Variants in DNAH10 observed in about 807,000 individuals in gnomAD.
DNAH10 encodes axonemal beta dynein heavy chain 10.
DNAH10 carries 348 observed loss-of-function variants against 506.6 expected under a neutral mutation model. The ratio of observed to expected loss-of-function variants is 0.69; its 90% CI spans 0.63 to 0.75. The LOEUF (loss-of-function observed/expected upper bound fraction) is 0.75. Among genes scored for constraint, DNAH10 ranks in the 30% least tolerant of loss-of-function variants. DNAH10 has a pLI of 0.00. For synonymous variants in DNAH10, 2,059 were observed against 2,198.6 expected (o/e 0.94, Z 1.78); for missense variants, 5,179 against 5,787.1 (o/e 0.89, Z 3.41).
In DNAH10 at chr12:123,801,336, T is replaced by G. The variant is rs1408825749; in HGVS notation, c.2518T>G (p.Leu840Val). 1 of 1,614,212 alleles carries G rather than the reference T, an allele frequency of 6.2e-7. No homozygotes were observed. The highest frequency in any genetic ancestry group is 2.2e-5 in the East Asian group (1 of 44,878). Residue 840 changes from leucine to valine, a missense_variant, in exon 16 of 79, where the codon TTA becomes GTA. Physicochemically the swap from Leu to Val is conservative, Grantham distance 32. This residue lies in a region of DNAH10 where 4,844 missense variants were observed against 5,430.5 expected (regional missense o/e 0.89). Transcript: ENST00000673944. ...LDHYHMLIGT[L>V]NDAESVLLKD... Reference sequence around the variant, plus strand: ...TCATTATCACATGCTCATAGGAACGTTAAACGATGCGGAGTCTGTGCTTCT... The same window carrying G: ...TCATTATCACATGCTCATAGGAACGGTAAACGATGCGGAGTCTGTGCTTCT...
At chr12:123,872,688 G>T (rs1952083958) in intron 45 of DNAH10, among the ~76,000 whole-genome samples, 1 of 147,634 alleles carries the variant, frequency 6.8e-6, no homozygotes. Flanking sequence ...TTTGTGCCTG[G>T]TAGTCCCAGC....
intron 65 of DNAH10, among the ~76,000 whole-genome samples, chr12:123,920,970 G>T (rs950008873): frequency 1.3e-5 from 2 of 152,014 alleles, no homozygotes; most frequent in African/African-American, 2.4e-5. Flanking sequence ...TGGTGGTCTC[G>T]CCATGTTGCC....
Position 123,902,212 on chromosome 12 carries a change from C to T in DNAH10, c.9641-727C>T, listed in dbSNP as rs1953553515. Among the ~76,000 whole-genome samples, 1 of 152,136 alleles carries T rather than the reference C, an allele frequency of 6.6e-6. No individual in the cohort carries two copies. The highest frequency in any genetic ancestry group is 6.5e-5 in the Admixed American group (1 of 15,276). On this transcript the variant is annotated intron_variant, in intron 56 of 78. Coordinates refer to ENST00000673944, the MANE Select transcript of DNAH10 (RefSeq NM_001372106.1). The surrounding 1 kb of genome is among the most constrained non-coding windows in gnomAD (Gnocchi z 4.5). ...GGACCCCAGGCATTGGATTTAGGGC[C>T]CACCCTCACCCCGTATGACCTAATC... is the stretch of plus-strand genomic sequence containing the variant.
intron 46 of DNAH10, among the ~76,000 whole-genome samples, chr12:123,875,029 C>T (rs1018431323): frequency 5.9e-5 from 9 of 152,110 alleles, no homozygotes; most frequent in Non-Finnish European, 8.8e-5. Context: ...GCTGTAGTAT[C>T]GTAAGGGAGA....
chr12:123,794,245 C>T lies in DNAH10; in HGVS notation c.1986+133C>T, dbSNP rs566285450. 2.4e-4 allele frequency: 143 copies of T among 585,854 alleles called. 1 individual carries two copies. In the South Asian group the frequency reaches 4.6e-3, roughly 19 times the overall value. 36.3% of individuals were successfully genotyped at this position (585,854 alleles called of 1,614,324 possible). On this transcript the variant is annotated intron_variant, in intron 12 of 78. Coordinates refer to ENST00000673944, the MANE Select transcript of DNAH10 (RefSeq NM_001372106.1). Reference sequence around the variant, plus strand: ...AGAATTTTCCCAAATTAGCATGTTACGTAATACACGTAACCCGAACAAAGT... The same window carrying T: ...AGAATTTTCCCAAATTAGCATGTTATGTAATACACGTAACCCGAACAAAGT...
At position 123,892,134 on chromosome 12, in the gene DNAH10, G is replaced by T. The variant is rs534479726; in HGVS notation, c.8996-1099G>T. On this transcript the variant is annotated intron_variant, in intron 52 of 78. Transcript: ENST00000673944. The stretch of plus-strand genomic sequence containing the variant: ...CCAAGCAGTGTGGGCACAATGTTAG[G>T]CTGTTCTTGCATTGCTATAAAGAAA... 2.6e-5 allele frequency among the ~76,000 whole-genome samples: 4 copies of T among 152,246 alleles called. No homozygotes were observed. The South Asian group carries it at 8.3e-4, about 31-fold the overall frequency.
chr12:123,876,562 G>A (rs1046742235), intron 47 of DNAH10, among the ~76,000 whole-genome samples: 20 of 152,166 alleles, frequency 1.3e-4, no homozygotes, highest in Non-Finnish European at 2.9e-5. Flanking sequence ...GAACCTGGGA[G>A]GTGAAGGCTT....
At chr12:123,823,444 G>C (rs1959636397) in intron 24 of DNAH10, among the ~76,000 whole-genome samples, 1 of 152,168 alleles carries the variant, frequency 6.6e-6, no homozygotes, top group African/African-American at 2.4e-5. Context: ...GACAATTATA[G>C]AGGGAATAGA....
chr12:123,930,167 A>G (rs1165093159), intron 72 of DNAH10: 9 of 515,466 alleles, frequency 1.7e-5, no homozygotes, highest in Non-Finnish European at 3.0e-5. Context: ...GGAGCTCCCA[A>G]CACTTCCTGA....
intron 5 of DNAH10, among the ~76,000 whole-genome samples, chr12:123,777,013 G>T (rs1044073273): frequency 6.6e-6 from 1 of 152,134 alleles, no homozygotes; most frequent in African/African-American, 2.4e-5. Flanking sequence ...GAAAGGTGGG[G>T]CTTTTGCAAT....
intron 54 of DNAH10, among the ~76,000 whole-genome samples, chr12:123,897,372 T>C (rs1953300431): frequency 6.6e-6 from 1 of 152,196 alleles, no homozygotes; most frequent in Non-Finnish European, 1.5e-5. Flanking sequence ...AGGAGTGGAA[T>C]TGTTGAGTCA....
At chr12:123,848,242 T>C in intron 33 of DNAH10, 147 bp downstream of exon 33, 13 of 1,242,232 alleles carry the variant, frequency 1.0e-5, no homozygotes, top group Non-Finnish European at 1.4e-5. Flanking sequence ...AGAACCTAAG[T>C]GTGTCTGCTT....
chr12:123,825,222 C>T (rs1422461483), intron 24 of DNAH10, among the ~76,000 whole-genome samples: 1 of 149,336 alleles, frequency 6.7e-6, no homozygotes, highest in Admixed American at 6.7e-5. Context: ...CCACTGGTGA[C>T]TGCAACAAGA....
At chr12:123,931,184 C>T (rs927421335) in intron 73 of DNAH10, among the ~76,000 whole-genome samples, 157 bp from the exon 74 acceptor site, 3 of 151,870 alleles carry the variant, frequency 2.0e-5, no homozygotes, top group African/African-American at 7.3e-5. Context: ...CAGTGCACTT[C>T]AGCCTGGGTG....
At chr12:123,847,143 TATCCATCCATCCATCCATCCATCC>T (rs57589181) in intron 32 of DNAH10, among the ~76,000 whole-genome samples, 53 of 144,924 alleles carry the variant, frequency 3.7e-4, no homozygotes, top group African/African-American at 1.3e-3. Context: ...TCCATCTACA[TATCCATCCATCCATCCATCCATCC>T]ATCCATCCAT....
chr12:123,931,759 C>G lies in DNAH10; in HGVS notation c.13040C>G (p.Ser4347Cys), dbSNP rs749889805. 2.1e-5 allele frequency: 34 copies of G among 1,613,924 alleles called. No individual in the cohort carries two copies. The highest frequency in any genetic ancestry group is 2.7e-5 in the Non-Finnish European group (32 of 1,179,898). The stretch of plus-strand genomic sequence containing the variant: ...AGGAAGCGCCTCGGAACAGGACTCT[C>G]CCCCACTTCGGTGGTGCTCCTGCAG... ...QVRKRLGTGL[S>C]PTSVVLLQEL... The change falls in exon 75 of 79, where the codon TCC becomes TGC. Residue 4347 changes from serine (S) to cysteine (C), a missense_variant. Physicochemically the swap from Ser to Cys is moderately radical, Grantham distance 112. Coordinates refer to ENST00000673944, the MANE Select transcript of DNAH10 (RefSeq NM_001372106.1).
chr12:123,928,407 G>C lies in DNAH10; in HGVS notation c.12126G>C (p.Glu4042Asp). The change falls in exon 70 of 79, where the codon GAG (glutamate) becomes GAC (aspartate). Residue 4042 changes from glutamate to aspartate, a missense_variant. By Grantham distance (45) the Glu-to-Asp change is conservative. This residue lies in a region of DNAH10 where 4,844 missense variants were observed against 5,430.5 expected (regional missense o/e 0.89). Transcript: ENST00000673944. This position sits in a 1 kb window ranked among gnomAD's most constrained non-coding sequence, Gnocchi z 4.9. ...CGCAGGTGGCCCTGCAGCTGCTGGA[G>C]ACGGCGGTGGCTCGGGGGCAGTGGC... The part of the protein sequence containing the change: ...GQEKVALQLL[E>D]TAVARGQWLM... 6.2e-7 allele frequency: 1 copy of C among 1,603,902 alleles called. No individual in the cohort carries two copies. Among genetic ancestry groups the C allele is most frequent in the South Asian group, 1.1e-5 (1 of 89,060 alleles).
chr12:123,821,764 CG>C, intron 24 of DNAH10, among the ~76,000 whole-genome samples: 1 of 152,084 alleles, frequency 6.6e-6, no homozygotes, highest in South Asian at 2.1e-4. Flanking sequence ...TAGTTGCAAG[CG>C]GAGATTAAAA....
intron 39 of DNAH10, among the ~76,000 whole-genome samples, chr12:123,864,037 G>T (rs922552124): frequency 2.6e-5 from 4 of 152,084 alleles, no homozygotes; most frequent in Admixed American, 1.3e-4. Context: ...AGGAATCCAG[G>T]TCTGTGTGCT....
Sources: allele counts gnomAD v4.1 joint callset (sites outside exome capture counted in the v4.1 genomes callset), GRCh38; gene constraint gnomAD v4.1.1; regional missense constraint gnomAD v4.1.1; non-coding constraint Gnocchi (gnomAD v3.1); transcripts MANE v1.5; gene names NCBI Gene and HGNC (gene_info 2026-07-23, HGNC 2026-07-21).